ACSM4: variants seen among roughly 807,000 people sequenced by gnomAD.
ACSM4 encodes acyl-coenzyme A synthetase ACSM4, mitochondrial.
ACSM4 carries 66 observed loss-of-function variants against 73.0 expected under a neutral mutation model. The ratio of observed to expected loss-of-function variants is 0.90; its 90% CI spans 0.74 to 1.11. ACSM4 has a LOEUF of 1.11. Ranked by LOEUF, ACSM4 falls within the 50% of genes least tolerant of loss-of-function variation. ACSM4 has a pLI of 0.00. For missense variants in ACSM4, 645 were observed against 714.4 expected (o/e 0.90, Z 1.11); for synonymous variants, 222 against 254.0 (o/e 0.87, Z 1.20).
Position 7,304,076 on chromosome 12 carries a change from T to C in ACSM4, c.-256T>C, listed in dbSNP as rs1946347543. ...ACAATTCTGTAGTTAAGGGGTTTTT[T>C]TAGACTCATCTGGTCACAGACAGAA... On this transcript the variant is annotated 5_prime_UTR_variant, in exon 1 of 13. Transcript: ENST00000399422. Among the ~76,000 whole-genome samples the C allele has an allele frequency of 6.6e-6, 1 of 152,120 alleles. No homozygotes were observed. The highest frequency in any genetic ancestry group is 1.5e-5 in the Non-Finnish European group (1 of 68,022).
At chr12:7,307,368 A>C (rs937367078) in intron 2 of ACSM4, among the ~76,000 whole-genome samples, 3 of 152,216 alleles carry the variant, frequency 2.0e-5, no homozygotes, top group Non-Finnish European at 2.9e-5. Flanking sequence ...CTATAAAAGC[A>C]AATTTGGGTA....
rs146591231 is a variant in ACSM4 at position 7,309,972 on chromosome 12, C to A, written c.413-567C>A. ...CTAATTTTTGTATTTTTAGTACAGA[C>A]AGGGTTTCGCCATGTTGCTCGGGGT... On this transcript the variant is annotated intron_variant, in intron 2 of 12. Transcript: ENST00000399422. 2.2e-3 allele frequency among the ~76,000 whole-genome samples: 339 copies of A among 152,242 alleles called. 1 individual carries two copies. The highest frequency in any genetic ancestry group is 7.8e-3 in the African/African-American group (322 of 41,540).
At chr12:7,309,060 T>C (rs1946375978) in intron 2 of ACSM4, among the ~76,000 whole-genome samples, 1 of 152,260 alleles carries the variant, frequency 6.6e-6, no homozygotes, top group Admixed American at 6.5e-5. Context: ...TTATATACAC[T>C]TCACTTCTTG....
intron 5 of ACSM4, among the ~76,000 whole-genome samples, chr12:7,318,913 T>G (rs1459671605): frequency 6.6e-6 from 1 of 152,210 alleles, no homozygotes; most frequent in Non-Finnish European, 1.5e-5. Context: ...GTCTGCAACC[T>G]TTTTGGTACC....
chr12:7,306,299 C>T (rs770275046), intron 1 of ACSM4, among the ~76,000 whole-genome samples: 1 of 152,276 alleles, frequency 6.6e-6, no homozygotes, highest in South Asian at 2.1e-4. Flanking sequence ...CTGATTGGCC[C>T]AACTTTGGTC....
chr12:7,311,846 C>T (rs1946392672), intron 3 of ACSM4, among the ~76,000 whole-genome samples: 1 of 152,118 alleles, frequency 6.6e-6, no homozygotes, highest in African/African-American at 2.4e-5. Flanking sequence ...CCTGCCACCA[C>T]CCCTGGCTCA....
chr12:7,324,256 T>G lies in ACSM4; in HGVS notation c.1309-17T>G, dbSNP rs1946486444. The G allele has an allele frequency of 2.5e-6, 4 of 1,610,254 alleles. No individual in the cohort carries two copies. In the South Asian group the frequency reaches 4.4e-5, roughly 18 times the overall value. On this transcript the variant is annotated splice_polypyrimidine_tract_variant and intron_variant, in intron 9 of 12. Transcript: ENST00000399422. ...TTCTGACCAGACTAATCCCCAAATG[T>G]CATCCTTGGTTCCCAGGACAATCCA...
intron 11 of ACSM4, 31 bp downstream of exon 11, chr12:7,324,629 C>T: frequency 6.2e-7 from 1 of 1,604,680 alleles, no homozygotes; most frequent in Non-Finnish European, 8.5e-7. Context: ...AAAGAAGCAA[C>T]ATCATATTTT....
chr12:7,324,173 C>A, intron 9 of ACSM4, 100 bp from the exon 10 acceptor site: 1 of 1,407,428 alleles, frequency 7.1e-7, no homozygotes, highest in Non-Finnish European at 9.5e-7. Flanking sequence ...AAAAAATTTC[C>A]TATATAAGTA....
intron 2 of ACSM4, among the ~76,000 whole-genome samples, chr12:7,310,101 T>A (rs919926277): frequency 6.6e-6 from 1 of 152,208 alleles, no homozygotes; most frequent in Non-Finnish European, 1.5e-5. Context: ...ACCATTGGTT[T>A]AGAGAATTGA....
At position 7,304,204 on chromosome 12, in the gene ACSM4, C is replaced by A; in HGVS notation, c.-128C>A. 1.0e-6 allele frequency: 1 copy of A among 982,536 alleles called. No homozygotes were observed. The highest frequency in any genetic ancestry group is 1.5e-6 in the Non-Finnish European group (1 of 649,736). The allele number at this position is 982,536 out of a possible 1,614,324, so 60.9% of individuals were successfully genotyped here. On this transcript the variant is annotated 5_prime_UTR_variant, in exon 1 of 13. Transcript: ENST00000399422. The stretch of plus-strand genomic sequence containing the variant: ...CAGGTGTTCCCCAACTTGCCAGGGA[C>A]ACACAGCCACAAATCCACCTCCCAG...
intron 4 of ACSM4, 22 bp downstream of exon 4, chr12:7,317,302 GT>G (rs767192953): frequency 6.5e-7 from 1 of 1,539,462 alleles, no homozygotes; most frequent in Non-Finnish European, 8.8e-7. Context: ...AATTCAGTTT[GT>G]TTTTGGTGAA....
intron 3 of ACSM4, among the ~76,000 whole-genome samples, chr12:7,313,250 T>C (rs1946401086): frequency 6.6e-6 from 1 of 152,224 alleles, no homozygotes; most frequent in African/African-American, 2.4e-5. Context: ...GATAAAGGAC[T>C]TTAAATTCAT....
intron 5 of ACSM4, among the ~76,000 whole-genome samples, chr12:7,320,178 A>G (rs1946449373): frequency 6.6e-6 from 1 of 152,242 alleles, no homozygotes; most frequent in Non-Finnish European, 1.5e-5. Flanking sequence ...TAAGATGCCT[A>G]GGCCATATCT....
At chr12:7,310,972 C>G (rs1946387333) in intron 3 of ACSM4, among the ~76,000 whole-genome samples, 1 of 151,976 alleles carries the variant, frequency 6.6e-6, no homozygotes, top group Admixed American at 6.6e-5. Context: ...TTGAGACCAG[C>G]CTGGCCAACG....
Position 7,310,662 on chromosome 12 carries a change from T to C in ACSM4, c.536T>C (p.Val179Ala), listed in dbSNP as rs1946385518. The stretch of plus-strand genomic sequence containing the variant: ...GTGGCCCCAGCGGTGGAGTCCATTG[T>C]ATTGGAGTGTCCTGACCTTAAGACA... ...EEVAPAVESI[V>A]LECPDLKTKL... Residue 179 changes from valine to alanine, a missense_variant, in exon 3 of 13, where the codon GTA becomes GCA. Physicochemically the swap from Val to Ala is moderately conservative, Grantham distance 64. Coordinates refer to ENST00000399422, the MANE Select transcript of ACSM4 (RefSeq NM_001080454.2). 6.2e-7 allele frequency: 1 copy of C among 1,613,508 alleles called. No individual in the cohort carries two copies. The highest frequency in any genetic ancestry group is 8.5e-7 in the Non-Finnish European group (1 of 1,179,728).
chr12:7,322,504 G>C lies in ACSM4; in HGVS notation c.1088G>C (p.Gly363Ala). 1 of 1,613,894 alleles carries C rather than the reference G, an allele frequency of 6.2e-7. No homozygotes were observed. The highest frequency in any genetic ancestry group is 8.5e-7 in the Non-Finnish European group (1 of 1,179,840). The change falls in exon 7 of 13, where the codon GGG becomes GCG. Residue 363 changes from glycine to alanine, a missense_variant. Transcript: ENST00000399422. ...EVLEQWRVQTGLELYEGYGQT... is the reference protein window; with the variant it reads ...EVLEQWRVQTALELYEGYGQT... ...CTGGAGCAGTGGAGGGTGCAAACTG[G>C]GCTGGAGCTATATGAGGGCTATGGA...
chr12:7,309,258 C>G (rs1458496281), intron 2 of ACSM4, among the ~76,000 whole-genome samples: 1 of 152,178 alleles, frequency 6.6e-6, no homozygotes, highest in African/African-American at 2.4e-5. Flanking sequence ...GATGCCAGAC[C>G]ACTGGAATCC....
rs1175901684 is a variant in ACSM4, at chr12:7,310,673, C to G, written c.547C>G (p.Pro183Ala). The G allele has an allele frequency of 6.2e-7, 1 of 1,613,362 alleles. No homozygotes were observed. The highest frequency in any genetic ancestry group is 1.3e-5 in the African/African-American group (1 of 74,892). ...GGTGGAGTCCATTGTATTGGAGTGT[C>G]CTGACCTTAAGACAAAACTCCTGGT... Reference protein sequence around the residue: ...PAVESIVLECPDLKTKLLVSP... With the variant: ...PAVESIVLECADLKTKLLVSP... The change falls in exon 3 of 13, where the codon CCT becomes GCT. Residue 183 changes from proline to alanine, a missense_variant. By Grantham distance (27) the Pro-to-Ala change is conservative. Coordinates refer to ENST00000399422, the MANE Select transcript of ACSM4 (RefSeq NM_001080454.2).
Sources: gnomAD v4.1 joint callset for allele counts (sites outside exome capture counted in the v4.1 genomes callset) on GRCh38, gnomAD v4.1.1 for gene constraint, MANE v1.5 for transcripts, NCBI Gene and HGNC (gene_info 2026-07-23, HGNC 2026-07-21) for gene names.